MYH14: variants seen among roughly 807,000 people sequenced by gnomAD.
The protein encoded by MYH14 is myosin-14.
In MYH14, 123 loss-of-function variants were observed where a neutral mutation model predicts 255.5. That is an observed-to-expected ratio of 0.48 (90% CI 0.42 to 0.56). The LOEUF (loss-of-function observed/expected upper bound fraction) is 0.56, where lower values mean the gene tolerates loss of function less well. Among genes scored for constraint, MYH14 ranks in the 20% least tolerant of loss-of-function variants. The probability of loss-of-function intolerance (pLI) is 0.00; values close to 1 mark genes in which losing one functional copy is unlikely to be tolerated. For synonymous variants in MYH14, 1,095 were observed against 1,161.2 expected, an observed-to-expected ratio of 0.94 and a Z score of 1.16; for missense variants, 2,423 against 2,802.3, an observed-to-expected ratio of 0.86 and a Z score of 3.06.
rs941689498 is a variant in MYH14 at position 50,217,634 on chromosome 19, G to A, written c.425G>A (p.Cys142Tyr). ...CTGCAGACGTACTCCGGCCTTTTCTGTGTGGTCATCAACCCGTACAAGCAG... is the reference window on the plus strand; with the variant it reads ...CTGCAGACGTACTCCGGCCTTTTCTATGTGGTCATCAACCCGTACAAGCAG... ...GLIYTYSGLFCVVINPYKQLP... is the reference protein window; with the variant it reads ...GLIYTYSGLFYVVINPYKQLP... The change falls in exon 3 of 43, where the codon TGT becomes TAT. Residue 142 changes from cysteine (C) to tyrosine (Y), a missense_variant. Physicochemically the swap from Cys to Tyr is radical, Grantham distance 194. Transcript: ENST00000642316. 6.2e-7 allele frequency: 1 copy of A among 1,614,034 alleles called. No homozygotes were observed. Among genetic ancestry groups the A allele is most frequent in the Admixed American group, 1.7e-5 (1 of 60,022 alleles).
rs765650409 is a variant in MYH14, at chr19:50,302,113, T to TA, written c.5678+268dup. ...GGGCAACATAGCAAGACCTCATCTC[T>TA]AAAAAAAAAAAAAAAAAAAAAAAAG... On this transcript the variant is annotated intron_variant, in intron 40 of 42. Transcript: ENST00000642316. 0.069 allele frequency among the ~76,000 whole-genome samples: 3,750 copies of TA among 54,314 alleles called. 196 individuals are homozygous for TA. The highest frequency in any genetic ancestry group is 0.086 in the Non-Finnish European group (2,550 of 29,564). 35.6% of individuals were successfully genotyped at this position (54,314 alleles called of 152,430 possible).
chr19:50,269,084 G>C (rs2035201461), intron 24 of MYH14, among the ~76,000 whole-genome samples: 1 of 152,130 alleles, frequency 6.6e-6, no homozygotes, highest in South Asian at 2.1e-4. Flanking sequence ...TTGGGTGTCT[G>C]GTTTTAAATT....
At position 50,223,326 on chromosome 19, in the gene MYH14, G is replaced by A. The variant is rs200969825; in HGVS notation, c.670G>A (p.Gly224Ser). 2 of 1,584,930 alleles carry A rather than the reference G, an allele frequency of 1.3e-6. No individual in the cohort carries two copies. Among genetic ancestry groups the A allele is most frequent in the Non-Finnish European group, 8.6e-7 (1 of 1,165,636 alleles). ...YLAHVASSPKGRKEPGVPASV... is the reference protein window; with the variant it reads ...YLAHVASSPKSRKEPGVPASV... ...CGCCCACGTGGCGTCGTCTCCAAAGGGCAGGAAGGAGCCGGGTGTCCCCGT... is the reference window on the plus strand; with the variant it reads ...CGCCCACGTGGCGTCGTCTCCAAAGAGCAGGAAGGAGCCGGGTGTCCCCGT... The change falls in exon 5 of 43, where the codon GGC becomes AGC. Residue 224 changes from glycine to serine, a missense_variant. Coordinates refer to ENST00000642316, the MANE Select transcript of MYH14 (RefSeq NM_001145809.2).
chr19:50,222,398 TGAACCC>T (rs2032875460), intron 3 of MYH14, among the ~76,000 whole-genome samples: 1 of 142,462 alleles, frequency 7.0e-6, no homozygotes, highest in Admixed American at 7.8e-5. Context: ...GAGAATGGCG[TGAACCC>T]GAGAGGCAGA....
At chr19:50,208,984 C>T (rs1188374508) in intron 1 of MYH14, among the ~76,000 whole-genome samples, 1 of 151,872 alleles carries the variant, frequency 6.6e-6, no homozygotes, top group Non-Finnish European at 1.5e-5. Context: ...AAGACCCTGT[C>T]TCTACAAAAC....
intron 15 of MYH14, among the ~76,000 whole-genome samples, chr19:50,251,488 CATATATATATACACACATAT>C (rs1324070104): frequency 2.1e-5 from 3 of 142,922 alleles, no homozygotes; most frequent in East Asian, 2.0e-4. Context: ...TATATACACA[CATATATATATACACACATAT>C]ATATATACAC....
chr19:50,305,882 T>C (rs2123489354), intron 40 of MYH14, among the ~76,000 whole-genome samples: 1 of 152,268 alleles, frequency 6.6e-6, no homozygotes, highest in East Asian at 1.9e-4. Context: ...CAGTGAGCCA[T>C]GATCACACCA....
intron 10 of MYH14, among the ~76,000 whole-genome samples, chr19:50,233,156 G>T (rs1021514501): frequency 6.6e-6 from 1 of 151,902 alleles, no homozygotes; most frequent in African/African-American, 2.4e-5. Context: ...GTGTCAGGGT[G>T]CTGTGCCCAC....
rs574717439 is a variant in MYH14, at chr19:50,271,829, C to T, written c.3172-20C>T. 6.8e-6 allele frequency: 11 copies of T among 1,612,452 alleles called. No individual in the cohort carries two copies. In the African/African-American group the frequency reaches 9.3e-5, roughly 14 times the overall value. ...GGCCCAACTCCTCCTGACTGCCCCC[C>T]ATCCCACTCCACCCCTCAGGAGCGG... On this transcript the variant is annotated intron_variant, in intron 25 of 42. Transcript: ENST00000642316.
At chr19:50,207,255 G>GAA (rs2031824224) in intron 1 of MYH14, among the ~76,000 whole-genome samples, 3 of 125,064 alleles carry the variant, frequency 2.4e-5, no homozygotes, top group Admixed American at 8.4e-5. Context: ...GAGAGAGAGA[G>GAA]AAAGAGAGAG....
chr19:50,230,584 T>G lies in MYH14; in HGVS notation c.934T>G (p.Phe312Val). Residue 312 changes from phenylalanine to valine, a missense_variant, in exon 9 of 43, where the codon TTC (phenylalanine) becomes GTC (valine). Coordinates refer to ENST00000642316, the MANE Select transcript of MYH14 (RefSeq NM_001145809.2). This position sits in a 1 kb window ranked among gnomAD's most constrained non-coding sequence, Gnocchi z 4.7. Reference sequence around the variant, plus strand: ...CAAGGACGAGTGCAGCTTCCACATCTTCTACCAGCTGCTGGGGGGCGCTGG... The same window carrying G: ...CAAGGACGAGTGCAGCTTCCACATCGTCTACCAGCTGCTGGGGGGCGCTGG... ...QAKDECSFHI[F>V]YQLLGGAGEQ... 1 of 1,570,256 alleles carries G rather than the reference T, an allele frequency of 6.4e-7. No homozygotes were observed. Among genetic ancestry groups the G allele is most frequent in the African/African-American group, 1.4e-5 (1 of 73,980 alleles).
intron 10 of MYH14, among the ~76,000 whole-genome samples, chr19:50,232,668 TTTA>T (rs1391179069): frequency 6.7e-6 from 1 of 150,250 alleles, no homozygotes; most frequent in Non-Finnish European, 1.5e-5. Flanking sequence ...GGGGCACAGC[TTTA>T]AGCAGGGGCT....
chr19:50,223,156 GGGCGT>G, intron 4 of MYH14, 46 bp downstream of exon 4: 1 of 1,611,750 alleles, frequency 6.2e-7, no homozygotes, highest in Non-Finnish European at 8.5e-7. Context: ...GGTCTGGGTG[GGGCGT>G]GGCTGTGTTT....
chr19:50,224,294 C>A, intron 6 of MYH14, 117 bp downstream of exon 6: 3 of 1,341,262 alleles, frequency 2.2e-6, no homozygotes, highest in East Asian at 2.3e-5. Flanking sequence ...CTGCCAGGGA[C>A]CCCTCTGCCC....
rs1049873784 is a variant in MYH14 at position 50,236,665 on chromosome 19, G to A, written c.1114+4595G>A. Reference sequence around the variant, plus strand: ...GGAGGTTGCAGTGAGCCAAGATTAAGCCACTGCACTCCAGCCTGGGTGTCA... The same window carrying A: ...GGAGGTTGCAGTGAGCCAAGATTAAACCACTGCACTCCAGCCTGGGTGTCA... On this transcript the variant is annotated intron_variant, in intron 10 of 42. Transcript: ENST00000642316. Among the ~76,000 whole-genome samples the A allele has an allele frequency of 1.8e-4, 28 of 151,788 alleles. 1 individual carries two copies. The highest frequency in any genetic ancestry group is 1.6e-3 in the Admixed American group (24 of 15,240).
intron 39 of MYH14, 134 bp from the exon 40 acceptor site, chr19:50,301,527 T>C (rs1441455605): frequency 4.7e-6 from 3 of 635,042 alleles, no homozygotes; most frequent in African/African-American, 3.7e-5. Flanking sequence ...CTGTTGAGTA[T>C]TTAGTATGTT....
rs760554160 is a variant in MYH14, at chr19:50,276,014, G to A, written c.3491G>A (p.Arg1164Gln). Residue 1164 changes from arginine (R) to glutamine (Q), a missense_variant, in exon 28 of 43, where the codon CGG becomes CAG. Arg to Gln is a conservative substitution (Grantham distance 43, BLOSUM62 1). Transcript: ENST00000642316. This position sits in a 1 kb window ranked among gnomAD's most constrained non-coding sequence, Gnocchi z 4.3. ...AGGGCAGAAGACGAGGGTGGGGCCC[G>A]GGCCCAGCTGCTGAAATCCCTGCGG... is the stretch of plus-strand genomic sequence containing the variant. ...LARAEDEGGA[R>Q]AQLLKSLREA... The A allele has an allele frequency of 7.4e-6, 12 of 1,612,826 alleles. No individual in the cohort carries two copies. Among genetic ancestry groups the A allele is most frequent in the Middle Eastern group, 3.3e-4 (2 of 6,056 alleles).
rs2032973567 is a variant in MYH14, at chr19:50,224,009, C to T, written c.694-145C>T. On this transcript the variant is annotated intron_variant, in intron 5 of 42. Transcript: ENST00000642316. The stretch of plus-strand genomic sequence containing the variant: ...AACCCAGGAGTGTGGTCCTCCAGGC[C>T]ACCCTACTCCACATGCCCGGTTTCC... The T allele has an allele frequency of 4.1e-6, 3 of 736,378 alleles. No individual in the cohort carries two copies. In the South Asian group the frequency reaches 4.8e-5, roughly 12 times the overall value. The allele number at this position is 736,378 out of a possible 1,614,324, so 45.6% of individuals were successfully genotyped here. A position where few individuals can be genotyped will look rare whatever the true frequency, so the allele number is the denominator to read the frequency against.
chr19:50,247,190 T>G lies in MYH14; in HGVS notation c.1329+68T>G. 3 of 1,102,594 alleles carry G rather than the reference T, an allele frequency of 2.7e-6. No individual in the cohort carries two copies. In the South Asian group the frequency reaches 4.0e-5, roughly 15 times the overall value. 68.3% of individuals were successfully genotyped at this position (1,102,594 alleles called of 1,614,324 possible). A position where few individuals can be genotyped will look rare whatever the true frequency, so the allele number is the denominator to read the frequency against. ...ACCCCGGCCCTGGGTCTTTAAACAG[T>G]GTATGCTGTTTTTCCCACCACTCAA... On this transcript the variant is annotated intron_variant, in intron 12 of 42. Coordinates refer to ENST00000642316, the MANE Select transcript of MYH14 (RefSeq NM_001145809.2).
Sources: gnomAD v4.1 joint callset for allele counts (sites outside exome capture counted in the v4.1 genomes callset) on GRCh38, gnomAD v4.1.1 for gene constraint, Gnocchi (gnomAD v3.1) non-coding constraint, MANE v1.5 for transcripts, NCBI Gene and HGNC (gene_info 2026-07-23, HGNC 2026-07-21) for gene names.